Variants in ZNF407 observed in about 807,000 individuals in gnomAD.
The protein encoded by ZNF407 is zinc finger protein 407.
ZNF407 carries 17 observed loss-of-function variants against 131.2 expected under a neutral mutation model. That is an observed-to-expected ratio of 0.13 (90% confidence interval 0.09 to 0.19). The LOEUF is 0.19. ZNF407 is among the 10% of genes least tolerant of loss of function. The pLI is 1.00. For missense variants in ZNF407, 2,681 were observed against 2,830.6 expected (o/e 0.95, Z 1.20); for synonymous variants, 1,156 against 1,062.0 (o/e 1.09, Z -1.72).
chr18:74,747,971 T>C (rs1968710012), intron 3 of ZNF407, among the ~76,000 whole-genome samples: 1 of 152,178 alleles, frequency 6.6e-6, no homozygotes, highest in African/African-American at 2.4e-5. Context: ...TCAAGAATTA[T>C]CAACTACAGT....
intron 3 of ZNF407, among the ~76,000 whole-genome samples, chr18:74,702,204 A>C (rs952127581): frequency 6.6e-6 from 1 of 152,202 alleles, no homozygotes; most frequent in African/African-American, 2.4e-5. Flanking sequence ...TAATGACAGT[A>C]GCTCACGGTC....
chr18:74,870,715 A>G (rs1971074601), intron 4 of ZNF407, among the ~76,000 whole-genome samples: 1 of 152,234 alleles, frequency 6.6e-6, no homozygotes, highest in South Asian at 2.1e-4. Flanking sequence ...GGAAATGGTC[A>G]AAGATGACTG....
At chr18:74,618,416 C>T (rs1055708401) in intron 1 of ZNF407, among the ~76,000 whole-genome samples, 2 of 152,136 alleles carry the variant, frequency 1.3e-5, no homozygotes, top group Non-Finnish European at 2.9e-5. Flanking sequence ...GTCCAGCGAA[C>T]CATAGGTAAC....
rs752353994 is a variant in ZNF407 at position 74,632,317 on chromosome 18, C to T, written c.1298C>T (p.Thr433Ile). 7 of 1,613,962 alleles carry T rather than the reference C, an allele frequency of 4.3e-6. No individual in the cohort carries two copies. In the Admixed American group the frequency reaches 5.0e-5, roughly 12 times the overall value. Residue 433 changes from threonine to isoleucine, a missense_variant, in exon 2 of 9, where the codon ACT (threonine) becomes ATT (isoleucine). Physicochemically the swap from Thr to Ile is moderately conservative, Grantham distance 89. Around this residue, in one of 6 missense-constraint regions of ZNF407, gnomAD observed 1,789 missense variants for 1,748.7 expected, o/e 1.02. Transcript: ENST00000299687. ...LGNSFRRRSS[T>I]FTLKGQAKKR... ...AATAGCTTTCGTCGACGAAGCAGCACTTTCACCTTGAAGGGCCAGGCAAAG... is the reference window on the plus strand; with the variant it reads ...AATAGCTTTCGTCGACGAAGCAGCATTTTCACCTTGAAGGGCCAGGCAAAG...
At chr18:74,962,059 A>G (rs1195030468) in intron 8 of ZNF407, among the ~76,000 whole-genome samples, 3 of 152,182 alleles carry the variant, frequency 2.0e-5, no homozygotes, top group Non-Finnish European at 2.9e-5. Context: ...CTTTGTTTTC[A>G]TTATTCATTT....
intron 4 of ZNF407, among the ~76,000 whole-genome samples, chr18:74,835,953 A>C (rs917690674): frequency 1.3e-5 from 2 of 151,120 alleles, no homozygotes; most frequent in African/African-American, 4.9e-5. Context: ...AATGTATCGC[A>C]GGCTAGTGAA....
intron 8 of ZNF407, among the ~76,000 whole-genome samples, chr18:74,963,620 G>A (rs1277737858): frequency 1.3e-5 from 2 of 152,068 alleles, no homozygotes; most frequent in African/African-American, 2.4e-5. Flanking sequence ...AGCAATCTTA[G>A]AATTTGTTAA....
chr18:75,001,347 T>A (rs1353135741), intron 8 of ZNF407, among the ~76,000 whole-genome samples: 1 of 152,216 alleles, frequency 6.6e-6, no homozygotes, highest in African/African-American at 2.4e-5. Context: ...CTGAAAACCT[T>A]AAGGTTTTAT....
At chr18:74,954,972 G>A (rs1047200775) in intron 8 of ZNF407, among the ~76,000 whole-genome samples, 5 of 152,206 alleles carry the variant, frequency 3.3e-5, no homozygotes, top group African/African-American at 1.2e-4. Flanking sequence ...GTTGTTATAT[G>A]TTACAAGCCA....
intron 3 of ZNF407, among the ~76,000 whole-genome samples, chr18:74,684,048 G>A (rs1238995109): frequency 6.6e-6 from 1 of 152,090 alleles, no homozygotes; most frequent in Admixed American, 6.5e-5. Context: ...TGTTTTCTGT[G>A]ATATCATATA....
chr18:74,637,497 GTT>G (rs11334379), intron 2 of ZNF407, among the ~76,000 whole-genome samples: 3 of 146,872 alleles, frequency 2.0e-5, no homozygotes, highest in African/African-American at 5.0e-5. Context: ...AGTTAGCATA[GTT>G]TTTTTTTTTT....
intron 7 of ZNF407, among the ~76,000 whole-genome samples, chr18:74,911,872 A>T (rs565755631): frequency 6.6e-6 from 1 of 152,266 alleles, no homozygotes; most frequent in South Asian, 2.1e-4. Context: ...TGAAGTGGGG[A>T]GATAAGCAAA....
At position 75,064,648 on chromosome 18, in the gene ZNF407, G is replaced by A; in HGVS notation, c.*180G>A. ...GCCACCAGCCAGGCGCCCACAGAGG[G>A]TACCGTGGGCTGGGCCTCGGGGAGC... On this transcript the variant is annotated 3_prime_UTR_variant, in exon 9 of 9. Transcript: ENST00000299687. 1.7e-6 allele frequency: 1 copy of A among 585,062 alleles called. No homozygotes were observed. The allele number at this position is 585,062 out of a possible 1,614,324, so 36.2% of individuals were successfully genotyped here.
chr18:74,791,901 G>T (rs754682161), intron 4 of ZNF407, among the ~76,000 whole-genome samples: 8 of 152,134 alleles, frequency 5.3e-5, no homozygotes, highest in South Asian at 2.1e-4. Context: ...TTCATTGAGA[G>T]TTTTCTTTTT....
chr18:74,815,877 T>C (rs931840461), intron 4 of ZNF407, among the ~76,000 whole-genome samples: 7 of 152,200 alleles, frequency 4.6e-5, no homozygotes, highest in Admixed American at 1.3e-4. Flanking sequence ...CGCCTTTGAT[T>C]ATGTTGCTTT....
intron 3 of ZNF407, among the ~76,000 whole-genome samples, chr18:74,684,503 C>T (rs1398106990): frequency 4.6e-5 from 7 of 152,134 alleles, no homozygotes; most frequent in Non-Finnish European, 7.4e-5. Flanking sequence ...TATTCCCAAA[C>T]GCACCGAGTC....
intron 3 of ZNF407, among the ~76,000 whole-genome samples, chr18:74,660,576 C>T (rs764325324): frequency 4.6e-5 from 7 of 152,032 alleles, no homozygotes; most frequent in Non-Finnish European, 1.0e-4. Flanking sequence ...AGAAACTACA[C>T]GTTAGCAGAC....
chr18:74,849,623 TC>T (rs1970753444), intron 4 of ZNF407, among the ~76,000 whole-genome samples: 2 of 152,128 alleles, frequency 1.3e-5, no homozygotes, highest in South Asian at 4.1e-4. Flanking sequence ...CCGCTGCACC[TC>T]CGTGCTCTTC....
intron 6 of ZNF407, among the ~76,000 whole-genome samples, chr18:74,887,464 A>C (rs1971325731): frequency 6.6e-6 from 1 of 152,134 alleles, no homozygotes; most frequent in Non-Finnish European, 1.5e-5. Context: ...TTAAAAAAAA[A>C]CATAAGAATA....
Sources: allele counts gnomAD v4.1 joint callset (sites outside exome capture counted in the v4.1 genomes callset), GRCh38; gene constraint gnomAD v4.1.1; regional missense constraint gnomAD v4.1.1; transcripts MANE v1.5; gene names NCBI Gene and HGNC (gene_info 2026-07-23, HGNC 2026-07-21).